Variants in AAK1 observed in about 807,000 individuals in gnomAD.
AAK1 encodes AP2-associated protein kinase 1.
A neutral mutation model predicts 116.0 loss-of-function variants in AAK1; 37 were observed. The observed-to-expected ratio is 0.32, with a 90% CI of 0.25 to 0.42. The LOEUF is 0.42. AAK1 is among the 10% of genes least tolerant of loss of function. The pLI, the probability that AAK1 is intolerant of heterozygous loss-of-function variation, is 1.00. For synonymous variants in AAK1, 458 were observed against 439.9 expected (o/e 1.04, Z -0.51); for missense variants, 919 against 1,170.6 (o/e 0.79, Z 3.14).
At position 69,466,259 on chromosome 2, in the gene AAK1, C is replaced by T. The variant is rs760123032; in HGVS notation, c.*9610G>A. The T allele has an allele frequency of 1.9e-5, 24 of 1,288,814 alleles. No homozygotes were observed. The highest frequency in any genetic ancestry group is 1.4e-4 in the South Asian group (11 of 80,946). 79.8% of individuals were successfully genotyped at this position (1,288,814 alleles called of 1,614,324 possible). ...ATGGAACGGCTCCTCCCAGCTTCCC[C>T]GGGGGGGGTCTGCAGCTCTCATCTT... is the stretch of plus-strand genomic sequence containing the variant. On this transcript the variant is annotated 3_prime_UTR_variant, in exon 22 of 22. Coordinates refer to ENST00000409085, the MANE Select transcript of AAK1 (RefSeq NM_014911.5).
At chr2:69,640,495 A>C (rs189117642) in intron 2 of AAK1, among the ~76,000 whole-genome samples, 1 of 152,340 alleles carries the variant, frequency 6.6e-6, no homozygotes, top group Admixed American at 6.5e-5. Context: ...GTGTGAATGT[A>C]TGCCTCATCT....
At position 69,565,511 on chromosome 2, in the gene AAK1, C is replaced by T. The variant is rs573615539; in HGVS notation, c.164-8533G>A. 6.6e-5 allele frequency among the ~76,000 whole-genome samples: 10 copies of T among 152,360 alleles called. No individual in the cohort carries two copies. In the South Asian group the frequency reaches 2.1e-3, roughly 32 times the overall value. ...AGCCTAAGCATCCTCCTTAGTACTG[C>T]CACCTAGTGGCCGGACCAGGGCTAG... is the stretch of plus-strand genomic sequence containing the variant. On this transcript the variant is annotated intron_variant, in intron 2 of 21. Transcript: ENST00000409085.
chr2:69,458,705 G>A lies in AAK1; in HGVS notation c.*17164C>T, dbSNP rs1430703771. 6.9e-6 allele frequency: 1 copy of A among 145,228 alleles called. No homozygotes were observed. The highest frequency in any genetic ancestry group is 2.2e-4 in the South Asian group (1 of 4,564). The allele number at this position is 145,228 out of a possible 1,614,324, so 9.0% of individuals were successfully genotyped here. On this transcript the variant is annotated 3_prime_UTR_variant, in exon 22 of 22. Transcript: ENST00000409085. ...CATGGAAGAAAGCATGAAGATGAAT[G>A]AGCACACACACACACACACACACCC...
chr2:69,524,023 C>T (rs1336158203), intron 10 of AAK1, among the ~76,000 whole-genome samples: 1 of 152,182 alleles, frequency 6.6e-6, no homozygotes, highest in Non-Finnish European at 1.5e-5. Flanking sequence ...ATAACATCTT[C>T]GTTTAATCCT....
At chr2:69,477,738 TA>T (rs1323409417) in intron 20 of AAK1, among the ~76,000 whole-genome samples, 2 of 152,206 alleles carry the variant, frequency 1.3e-5, no homozygotes, top group Non-Finnish European at 2.9e-5. Flanking sequence ...ACATAATCTA[TA>T]AAAACATAAT....
At chr2:69,637,819 A>G (rs1278594347) in intron 2 of AAK1, among the ~76,000 whole-genome samples, 2 of 152,172 alleles carry the variant, frequency 1.3e-5, no homozygotes, top group African/African-American at 4.8e-5. Flanking sequence ...TGTACTCTAC[A>G]TGGCGTTTTA....
At chr2:69,480,837 A>C in intron 19 of AAK1, 23 bp downstream of exon 19, 1 of 1,567,094 alleles carries the variant, frequency 6.4e-7, no homozygotes, top group Non-Finnish European at 8.7e-7. Context: ...CAGTCCCTGC[A>C]GCTGCAGAGA....
chr2:69,595,712 A>G lies in AAK1; in HGVS notation c.164-38734T>C, dbSNP rs60683277. Among the ~76,000 whole-genome samples, 708 of 152,362 alleles carry G rather than the reference A, an allele frequency of 4.6e-3. 6 individuals are homozygous for G. Among genetic ancestry groups the G allele is most frequent in the African/African-American group, 0.016 (678 of 41,582 alleles). The stretch of plus-strand genomic sequence containing the variant: ...GTAGCAAGTTATCCATAAGATCTAG[A>G]TAAGACCATTGATGAAGGTGGCTTC... On this transcript the variant is annotated intron_variant, in intron 2 of 21. Transcript: ENST00000409085.
In AAK1 at chr2:69,474,246, A is replaced by C. The variant is rs1489400165; in HGVS notation, c.*1623T>G. 3 of 985,780 alleles carry C rather than the reference A, an allele frequency of 3.0e-6. No individual in the cohort carries two copies. The highest frequency in any genetic ancestry group is 3.6e-6 in the Non-Finnish European group (3 of 829,948). The allele number at this position is 985,780 out of a possible 1,614,324, so 61.1% of individuals were successfully genotyped here. ...AAACAAAAGTACTAGATAGCAAAAC[A>C]AGCAAATGGACTTGGAATTTTATTT... On this transcript the variant is annotated 3_prime_UTR_variant, in exon 22 of 22. Transcript: ENST00000409085.
At chr2:69,532,879 A>C (rs1307703331) in intron 5 of AAK1, among the ~76,000 whole-genome samples, 1 of 152,232 alleles carries the variant, frequency 6.6e-6, no homozygotes, top group African/African-American at 2.4e-5. Flanking sequence ...AGTTCTAGGC[A>C]GCAGGGAGCT....
chr2:69,612,315 G>T (rs1674122949), intron 2 of AAK1, among the ~76,000 whole-genome samples: 1 of 152,170 alleles, frequency 6.6e-6, no homozygotes, highest in South Asian at 2.1e-4. Context: ...TTAAAAAAGG[G>T]CTTGGGTTTA....
At chr2:69,541,621 G>T (rs1232586377) in intron 5 of AAK1, among the ~76,000 whole-genome samples, 1 of 152,086 alleles carries the variant, frequency 6.6e-6, no homozygotes, top group Non-Finnish European at 1.5e-5. Flanking sequence ...AGAAATGCAG[G>T]TATGCTGCTT....
At chr2:69,532,340 T>C (rs1408327991) in intron 5 of AAK1, among the ~76,000 whole-genome samples, 178 bp from the exon 6 acceptor site, 1 of 152,090 alleles carries the variant, frequency 6.6e-6, no homozygotes, top group African/African-American at 2.4e-5. Flanking sequence ...ACACAGGAGA[T>C]GCAGAGTAAG....
Position 69,471,284 on chromosome 2 carries a change from C to T in AAK1, c.*4585G>A. ...AGCATTACCCAAGGAGCCTCCCTATCCCGTATTAGTGAAAGGAAATCTGGG... is the reference window on the plus strand; with the variant it reads ...AGCATTACCCAAGGAGCCTCCCTATTCCGTATTAGTGAAAGGAAATCTGGG... On this transcript the variant is annotated 3_prime_UTR_variant, in exon 22 of 22. Transcript: ENST00000409085. 1 of 985,418 alleles carries T rather than the reference C, an allele frequency of 1.0e-6. No homozygotes were observed. Among genetic ancestry groups the T allele is most frequent in the Non-Finnish European group, 1.2e-6 (1 of 829,926 alleles). The allele number at this position is 985,418 out of a possible 1,614,324, so 61.0% of individuals were successfully genotyped here. A position where few individuals can be genotyped will look rare whatever the true frequency, so the allele number is the denominator to read the frequency against.
At position 69,522,660 on chromosome 2, in the gene AAK1, C is replaced by T. The variant is rs151239917; in HGVS notation, c.1056-1672G>A. 3.4e-4 allele frequency among the ~76,000 whole-genome samples: 52 copies of T among 151,968 alleles called. 1 individual carries two copies. In the East Asian group the frequency reaches 4.8e-3, roughly 14 times the overall value. On this transcript the variant is annotated intron_variant, in intron 10 of 21. Transcript: ENST00000409085. ...CTCTACTAAAAATACAAAAATTAGC[C>T]GGGTGTGGTGGCACGCGCCTGTAGT...
chr2:69,490,253 T>C (rs7569000), intron 17 of AAK1, among the ~76,000 whole-genome samples: 30,080 of 152,016 alleles, frequency 0.2, 3,433 homozygotes, highest in African/African-American at 0.31. Flanking sequence ...AAAACAGTGG[T>C]CCTCAAAAAG....
chr2:69,619,105 C>T (rs1674471538), intron 2 of AAK1, among the ~76,000 whole-genome samples: 1 of 152,198 alleles, frequency 6.6e-6, no homozygotes, highest in Non-Finnish European at 1.5e-5. Context: ...AATCCACCTG[C>T]TCTGTTCCTA....
At chr2:69,563,041 G>A (rs1671712383) in intron 2 of AAK1, among the ~76,000 whole-genome samples, 1 of 152,154 alleles carries the variant, frequency 6.6e-6, no homozygotes, top group Non-Finnish European at 1.5e-5. Flanking sequence ...TCCAGCCTGA[G>A]CAACAGAGCG....
intron 2 of AAK1, among the ~76,000 whole-genome samples, chr2:69,565,858 C>T (rs538593294): frequency 6.6e-5 from 10 of 151,774 alleles, no homozygotes; most frequent in Admixed American, 2.6e-4. Context: ...GTCCTCTCCA[C>T]AGTGAGAGCT....
Sources: allele counts gnomAD v4.1 joint callset (sites outside exome capture counted in the v4.1 genomes callset), GRCh38; gene constraint gnomAD v4.1.1; transcripts MANE v1.5; gene names NCBI Gene and HGNC (gene_info 2026-07-23, HGNC 2026-07-21).